SV2B: variants seen among roughly 807,000 people sequenced by gnomAD.
The protein encoded by SV2B is synaptic vesicle glycoprotein 2B.
In SV2B, 41 loss-of-function variants were observed where a neutral mutation model predicts 73.9. The ratio of observed to expected loss-of-function variants is 0.56; its 90% CI spans 0.43 to 0.72. The LOEUF (loss-of-function observed/expected upper bound fraction) is 0.72. SV2B is among the 30% of genes least tolerant of loss of function. The pLI, the probability that SV2B is intolerant of heterozygous loss-of-function variation, is 0.00. For missense variants in SV2B, 764 were observed against 857.8 expected, an observed-to-expected ratio of 0.89 and a Z score of 1.37; for synonymous variants, 314 against 314.2, an observed-to-expected ratio of 1.00 and a Z score of 0.01.
chr15:91,198,451 G>A (rs1194063689), intron 1 of SV2B, among the ~76,000 whole-genome samples: 1 of 120,328 alleles, frequency 8.3e-6, no homozygotes, highest in Non-Finnish European at 1.7e-5. Flanking sequence ...CAAGAAGCAC[G>A]TGTATGTGTG....
At chr15:91,276,482 T>A (rs778151081) in intron 9 of SV2B, among the ~76,000 whole-genome samples, 1 of 152,096 alleles carries the variant, frequency 6.6e-6, no homozygotes. Context: ...AGCTCTTAGA[T>A]GTTTTTCTCT....
In SV2B at chr15:91,284,657, C is replaced by A. The variant is rs575809133; in HGVS notation, c.1708+436C>A. ...TTTAGGCTTTGGAGTTGGACAGAGT[C>A]ATGTTGAAATCCTATCACCGAAAGG... On this transcript the variant is annotated intron_variant, in intron 11 of 12. Transcript: ENST00000394232. This position sits in a 1 kb window ranked among gnomAD's most constrained non-coding sequence, Gnocchi z 4.5. Among the ~76,000 whole-genome samples, 100 of 152,284 alleles carry A rather than the reference C, an allele frequency of 6.6e-4. 1 individual carries two copies. The South Asian group carries it at 0.019, about 29-fold the overall frequency.
chr15:91,130,944 T>C lies in SV2B; in HGVS notation c.-392+30581T>C, dbSNP rs879380156. On this transcript the variant is annotated intron_variant, in intron 1 of 12. Transcript: ENST00000394232. This position sits in a 1 kb window ranked among gnomAD's most constrained non-coding sequence, Gnocchi z 5.6. Reference sequence around the variant, plus strand: ...GGAGGAGATGGTTGATGGATCCAAGTTCAGGAACACATGGGAGGGTGTGGG... The same window carrying C: ...GGAGGAGATGGTTGATGGATCCAAGCTCAGGAACACATGGGAGGGTGTGGG... Among the ~76,000 whole-genome samples the C allele has an allele frequency of 1.8e-4, 28 of 151,906 alleles. No homozygotes were observed. Among genetic ancestry groups the C allele is most frequent in the Admixed American group, 3.3e-4 (5 of 15,250 alleles).
chr15:91,172,192 A>G (rs2044145161), intron 1 of SV2B, among the ~76,000 whole-genome samples: 1 of 152,228 alleles, frequency 6.6e-6, no homozygotes, highest in African/African-American at 2.4e-5. Flanking sequence ...GCCACAGCCT[A>G]TCTTTCCAGC....
chr15:91,297,010 C>G lies in SV2B; in HGVS notation c.*4458C>G, dbSNP rs1287051270. 1 of 106,076 alleles carries G rather than the reference C, an allele frequency of 9.4e-6. No homozygotes were observed. The highest frequency in any genetic ancestry group is 2.0e-5 in the Non-Finnish European group (1 of 51,038). 6.6% of individuals were successfully genotyped at this position (106,076 alleles called of 1,614,324 possible). A position where few individuals can be genotyped will look rare whatever the true frequency, so the allele number is the denominator to read the frequency against. Reference sequence around the variant, plus strand: ...TCGTTGGGCGCACGCTCCTTCTGCCCGATCGTTGGGCGCACGCTTCTTCTG... The same window carrying G: ...TCGTTGGGCGCACGCTCCTTCTGCCGGATCGTTGGGCGCACGCTTCTTCTG... On this transcript the variant is annotated 3_prime_UTR_variant, in exon 13 of 13. Coordinates refer to ENST00000394232, the MANE Select transcript of SV2B (RefSeq NM_001323032.3). This position sits in a 1 kb window ranked among gnomAD's most constrained non-coding sequence, Gnocchi z 5.1.
chr15:91,129,675 C>T lies in SV2B; in HGVS notation c.-392+29312C>T, dbSNP rs2042585578. 6.6e-6 allele frequency among the ~76,000 whole-genome samples: 1 copy of T among 152,168 alleles called. No homozygotes were observed. Among genetic ancestry groups the T allele is most frequent in the Non-Finnish European group, 1.5e-5 (1 of 68,016 alleles). On this transcript the variant is annotated intron_variant, in intron 1 of 12. Transcript: ENST00000394232. This position sits in a 1 kb window ranked among gnomAD's most constrained non-coding sequence, Gnocchi z 5.1. ...GTAGGTATGAGGGAGCCAGCGGAGG[C>T]TTCTTTGGAGGCGATCTGTTTGATG...
chr15:91,212,602 G>T (rs1412515967), intron 1 of SV2B, among the ~76,000 whole-genome samples: 1 of 152,094 alleles, frequency 6.6e-6, no homozygotes, highest in Non-Finnish European at 1.5e-5. Flanking sequence ...AGTGCTCTTT[G>T]TTGGGTGTAT....
rs1022390304 is a variant in SV2B at position 91,265,600 on chromosome 15, G to T, written c.1009-982G>T. 2.0e-5 allele frequency among the ~76,000 whole-genome samples: 3 copies of T among 152,172 alleles called. No homozygotes were observed. The highest frequency in any genetic ancestry group is 6.5e-5 in the Admixed American group (1 of 15,272). On this transcript the variant is annotated intron_variant, in intron 6 of 12. Transcript: ENST00000394232. This position sits in a 1 kb window ranked among gnomAD's most constrained non-coding sequence, Gnocchi z 4.2. ...GTAGCCTCCTTTATCTGTAGCTGGGGGTCATAACATCCATGAAGGTACTGA... is the reference window on the plus strand; with the variant it reads ...GTAGCCTCCTTTATCTGTAGCTGGGTGTCATAACATCCATGAAGGTACTGA...
intron 1 of SV2B, among the ~76,000 whole-genome samples, chr15:91,109,229 A>T (rs2041971954): frequency 6.6e-6 from 1 of 152,232 alleles, no homozygotes; most frequent in Non-Finnish European, 1.5e-5. Context: ...CTCTGCATAG[A>T]TGCAAGAGAA....
At chr15:91,205,554 T>G (rs1188332805) in intron 1 of SV2B, among the ~76,000 whole-genome samples, 1 of 151,880 alleles carries the variant, frequency 6.6e-6, no homozygotes, top group Non-Finnish European at 1.5e-5. Context: ...TTAGTAGAGA[T>G]GGGGTTTCAT....
rs1169522453 is a variant in SV2B at position 91,281,428 on chromosome 15, C to T, written c.1374-300C>T. ...AGGTGTTATTAATATTTAAATTTCA[C>T]ACTATTTCACATTTCTGTGATTCTG... On this transcript the variant is annotated intron_variant, in intron 9 of 12. Transcript: ENST00000394232. The surrounding 1 kb of genome is among the most constrained non-coding windows in gnomAD (Gnocchi z 4.7). Among the ~76,000 whole-genome samples, 1 of 152,190 alleles carries T rather than the reference C, an allele frequency of 6.6e-6. No individual in the cohort carries two copies. The highest frequency in any genetic ancestry group is 1.5e-5 in the Non-Finnish European group (1 of 68,044).
Position 91,268,381 on chromosome 15 carries a change from C to T in SV2B, c.1209-60C>T. ...ATCTGCATCAAGTCAAGAGTGTAGA[C>T]CCTGATCATGAAAGAATGAATCCTG... On this transcript the variant is annotated intron_variant, in intron 8 of 12. Coordinates refer to ENST00000394232, the MANE Select transcript of SV2B (RefSeq NM_001323032.3). This position sits in a 1 kb window ranked among gnomAD's most constrained non-coding sequence, Gnocchi z 4.4. The T allele has an allele frequency of 5.8e-6, 9 of 1,539,970 alleles. No homozygotes were observed. Among genetic ancestry groups the T allele is most frequent in the Non-Finnish European group, 8.0e-6 (9 of 1,128,544 alleles).
rs368305398 is a variant in SV2B, at chr15:91,226,108, G to C, written c.-156G>C. 56 of 697,604 alleles carry C rather than the reference G, an allele frequency of 8.0e-5. No individual in the cohort carries two copies. Among genetic ancestry groups the C allele is most frequent in the Non-Finnish European group, 1.2e-4 (50 of 426,048 alleles). 43.2% of individuals were successfully genotyped at this position (697,604 alleles called of 1,614,324 possible). On this transcript the variant is annotated 5_prime_UTR_variant, in exon 2 of 13. Transcript: ENST00000394232. ...ATCTGGTTGATTTGAGAGATAAAGG[G>C]GGGGGGAACCAGTGTGACTTTCACC...
At chr15:91,210,951 C>T (rs941102991) in intron 1 of SV2B, among the ~76,000 whole-genome samples, 1 of 152,206 alleles carries the variant, frequency 6.6e-6, no homozygotes, top group African/African-American at 2.4e-5. Flanking sequence ...CTGGCATAGG[C>T]CCTCCAGGCA....
chr15:91,281,913 G>A lies in SV2B; in HGVS notation c.1507+52G>A. ...TAGAAAGTAACAGGAGACAACTTGT[G>A]TTGTCCAAGAATCAAAATGGTCAGG... On this transcript the variant is annotated intron_variant, in intron 10 of 12. Transcript: ENST00000394232. The surrounding 1 kb of genome is among the most constrained non-coding windows in gnomAD (Gnocchi z 4.7). The A allele has an allele frequency of 1.3e-6, 2 of 1,544,848 alleles. No individual in the cohort carries two copies. Among genetic ancestry groups the A allele is most frequent in the Non-Finnish European group, 1.8e-6 (2 of 1,137,954 alleles).
rs2046376239 is a variant in SV2B, at chr15:91,226,317, C to CA, written c.54_55insA (p.Tyr19IlefsTer6). On this transcript the variant is annotated frameshift_variant, in exon 2 of 13. Transcript: ENST00000394232. LOFTEE classifies it high-confidence loss of function. ...ATGGGGGCTATGCTCCCAGTGATGG[C>CA]TATTACCGCGGCAATGAGTCCAACC... 6.2e-7 allele frequency: 1 copy of CA among 1,614,020 alleles called. No homozygotes were observed. The highest frequency in any genetic ancestry group is 8.5e-7 in the Non-Finnish European group (1 of 1,180,032).
intron 1 of SV2B, among the ~76,000 whole-genome samples, chr15:91,184,386 A>G (rs771991978): frequency 5.3e-5 from 8 of 152,208 alleles, no homozygotes; most frequent in Non-Finnish European, 1.5e-5. Flanking sequence ...AATCAATGTT[A>G]TCTATCAATA....
chr15:91,266,361 G>T (rs1180140948), intron 6 of SV2B, among the ~76,000 whole-genome samples: 1 of 152,202 alleles, frequency 6.6e-6, no homozygotes, highest in Non-Finnish European at 1.5e-5. Context: ...TTTGGCTGAA[G>T]AAAGAGATGG....
chr15:91,262,881 T>G (rs1317177603), intron 6 of SV2B, among the ~76,000 whole-genome samples: 1 of 152,222 alleles, frequency 6.6e-6, no homozygotes, highest in African/African-American at 2.4e-5. Context: ...CTGGGTGTAC[T>G]TGGCTCAGTC....
Sources: allele counts gnomAD v4.1 joint callset (sites outside exome capture counted in the v4.1 genomes callset), GRCh38; gene constraint gnomAD v4.1.1; non-coding constraint Gnocchi (gnomAD v3.1); transcripts MANE v1.5; gene names NCBI Gene and HGNC (gene_info 2026-07-23, HGNC 2026-07-21).